Variants in HOXC5 observed in about 807,000 individuals in gnomAD.
HOXC5 encodes the protein homeobox C5, also known as homeobox protein Hox-C5.
In HOXC5, 19 loss-of-function variants were observed where a neutral mutation model predicts 20.1. That is an observed-to-expected ratio of 0.94 (90% CI 0.66 to 1.38). The LOEUF is 1.38. HOXC5 is among the 40% of genes most tolerant of loss of function. HOXC5 has a pLI of 0.00. For synonymous variants in HOXC5, 124 were observed against 117.0 expected (o/e 1.06, Z -0.39); for missense variants, 330 against 300.1 (o/e 1.10, Z -0.74).
At chr12:54,024,274 G>A in the HOXC5 span, among the ~76,000 whole-genome samples, 3 of 152,190 alleles carry the variant, frequency 2.0e-5, no homozygotes, top group South Asian at 2.1e-4. Flanking sequence ...CTGCGGTCGC[G>A]TCCAGGCAGC....
chr12:54,024,369 G>A, the HOXC5 span, among the ~76,000 whole-genome samples: 3 of 152,128 alleles, frequency 2.0e-5, no homozygotes, highest in South Asian at 2.1e-4. Context: ...AGGAGGCACC[G>A]AGCTGTAGTT....
chr12:54,029,146 G>A (rs1382349835), upstream of HOXC5, among the ~76,000 whole-genome samples: 6 of 152,134 alleles, frequency 3.9e-5, no homozygotes, highest in Admixed American at 1.3e-4. Context: ...GCCCCAAGGC[G>A]GGCTGAGGGG....
the HOXC5 span, among the ~76,000 whole-genome samples, chr12:54,022,805 C>T: frequency 2.0e-5 from 3 of 152,020 alleles, no homozygotes; most frequent in Non-Finnish European, 2.9e-5. Context: ...GTCATAATAC[C>T]GAGTTCTTGA....
chr12:54,034,039 AC>A (rs768247704), intron 1 of HOXC5: 26 of 691,420 alleles, frequency 3.8e-5, no homozygotes, highest in Middle Eastern at 2.4e-4. Flanking sequence ...CTTCCCCCCA[AC>A]CCCCCCTCAG....
At chr12:54,024,928 C>G in the HOXC5 span, among the ~76,000 whole-genome samples, 1 of 152,240 alleles carries the variant, frequency 6.6e-6, no homozygotes, top group East Asian at 1.9e-4. Flanking sequence ...AAGCAAGTGG[C>G]AATTTTTCCC....
intron 1 of HOXC5, 152 bp from the exon 2 acceptor site, chr12:54,034,116 GGGGCTGGGCT>G (rs1165228816): frequency 1.3e-6 from 1 of 745,938 alleles, no homozygotes; most frequent in African/African-American, 1.7e-5. Flanking sequence ...CGCCTCTCCC[GGGGCTGGGCT>G]GGGCTGGCCC....
the HOXC5 span, among the ~76,000 whole-genome samples, chr12:54,022,894 T>C: frequency 6.6e-6 from 1 of 152,310 alleles, no homozygotes; most frequent in South Asian, 2.1e-4. Flanking sequence ...GCCAGGAGGC[T>C]GGGGATCCTT....
At chr12:54,024,552 C>G in the HOXC5 span, among the ~76,000 whole-genome samples, 5 of 152,214 alleles carry the variant, frequency 3.3e-5, no homozygotes, top group Admixed American at 6.5e-5. Context: ...TCTCATCCCT[C>G]TCACTTCAAA....
chr12:54,022,587 T>G, the HOXC5 span: 1 of 152,032 alleles, frequency 6.6e-6, no homozygotes, highest in African/African-American at 2.4e-5. Context: ...ATAAAATTAT[T>G]TATAGGGAAA....
At chr12:54,029,038 G>T (rs1447844511), upstream of HOXC5, 4 of 1,002,220 alleles carry the variant, frequency 4.0e-6, no homozygotes, top group African/African-American at 3.3e-5. Flanking sequence ...AATCACGCTC[G>T]TCTCCTCACC....
upstream of HOXC5, chr12:54,028,543 C>G (rs1368012211): frequency 6.2e-7 from 1 of 1,613,948 alleles, no homozygotes; most frequent in Non-Finnish European, 8.5e-7. Context: ...CTTCACTAAC[C>G]CTTCCTTATC....
the HOXC5 span, among the ~76,000 whole-genome samples, chr12:54,023,245 T>C: frequency 2.0e-5 from 3 of 152,230 alleles, no homozygotes; most frequent in Non-Finnish European, 4.4e-5. Flanking sequence ...GGCTCAGGGC[T>C]GAGCGTGATG....
the HOXC5 span, among the ~76,000 whole-genome samples, chr12:54,019,275 T>TC: frequency 6.8e-6 from 1 of 147,798 alleles, no homozygotes; most frequent in Non-Finnish European, 1.5e-5. Flanking sequence ...CGCTTGGCTC[T>TC]CCCCAAATGG....
At chr12:54,027,788 G>T in the HOXC5 span, among the ~76,000 whole-genome samples, 1 of 152,128 alleles carries the variant, frequency 6.6e-6, no homozygotes, top group Non-Finnish European at 1.5e-5. Flanking sequence ...ACTGTACCCT[G>T]AAGTCTTGCC....
At chr12:54,021,039 C>T in the HOXC5 span, 12 of 152,424 alleles carry the variant, frequency 7.9e-5, no homozygotes, top group African/African-American at 2.6e-4. Flanking sequence ...CTGGAAGCCT[C>T]ACTGGAGCGA....
upstream of HOXC5, among the ~76,000 whole-genome samples, chr12:54,031,216 G>T (rs56270790): frequency 0.35 from 53,297 of 152,054 alleles, 9,875 homozygotes; most frequent in East Asian, 0.63. Context: ...CAGGCACCAG[G>T]GTCTCCTCCA....
At chr12:54,024,198 G>T in the HOXC5 span, among the ~76,000 whole-genome samples, 1 of 152,126 alleles carries the variant, frequency 6.6e-6, no homozygotes, top group Non-Finnish European at 1.5e-5. Context: ...AGGGGCCAGC[G>T]GGGCAACCGT....
the HOXC5 span, among the ~76,000 whole-genome samples, chr12:54,027,974 G>A: frequency 6.6e-6 from 1 of 152,148 alleles, no homozygotes; most frequent in Non-Finnish European, 1.5e-5. Flanking sequence ...TGTCAAAACA[G>A]GATTTCCTGC....
At chr12:54,029,689 C>T, upstream of HOXC5, 1 of 1,613,934 alleles carries the variant, frequency 6.2e-7, no homozygotes, top group Non-Finnish European at 8.5e-7. Context: ...GGCGCGGCCG[C>T]CAGATCTACT....
Sources: gnomAD v4.1 joint callset for allele counts (sites outside exome capture counted in the v4.1 genomes callset) on GRCh38, gnomAD v4.1.1 for gene constraint, MANE v1.5 for transcripts, NCBI Gene and HGNC (gene_info 2026-07-23, HGNC 2026-07-21) for gene names.